Variants in RALYL observed in about 807,000 individuals in gnomAD.
RALYL encodes RNA-binding Raly-like protein.
RALYL carries 29 observed loss-of-function variants against 35.1 expected under a neutral mutation model. That is an observed-to-expected ratio of 0.83 (90% CI 0.61 to 1.13). The LOEUF (loss-of-function observed/expected upper bound fraction) is 1.13. Ranked by LOEUF, RALYL falls within the 50% of genes most tolerant of loss-of-function variation. RALYL has a pLI of 0.00. For missense variants in RALYL, 359 were observed against 360.4 expected (o/e 1.00, Z 0.03); for synonymous variants, 120 against 127.6 (o/e 0.94, Z 0.40).
At chr8:84,754,760 A>G (rs763227110) in intron 2 of RALYL, among the ~76,000 whole-genome samples, 5 of 152,146 alleles carry the variant, frequency 3.3e-5, no homozygotes, top group African/African-American at 4.8e-5. Flanking sequence ...GATGAGGAGG[A>G]ATGATTACTG....
intron 2 of RALYL, among the ~76,000 whole-genome samples, chr8:84,572,451 T>C (rs1278229585): frequency 6.6e-6 from 1 of 151,780 alleles, no homozygotes; most frequent in African/African-American, 2.4e-5. Context: ...TTTCCACTTT[T>C]AGAACTCCTT....
At chr8:84,251,325 A>G (rs1830156671) in intron 1 of RALYL, among the ~76,000 whole-genome samples, 1 of 152,136 alleles carries the variant, frequency 6.6e-6, no homozygotes, top group Admixed American at 6.5e-5. Flanking sequence ...CTGTCTTGGG[A>G]TACAGAAACA....
intron 2 of RALYL, among the ~76,000 whole-genome samples, chr8:84,725,656 C>G (rs1844813464): frequency 1.3e-5 from 2 of 151,352 alleles, no homozygotes; most frequent in Admixed American, 1.3e-4. Context: ...GTCTGTGAGC[C>G]CTTCAATTTA....
At chr8:84,889,302 C>A (rs896071525) in intron 8 of RALYL, among the ~76,000 whole-genome samples, 1 of 152,192 alleles carries the variant, frequency 6.6e-6, no homozygotes, top group African/African-American at 2.4e-5. Flanking sequence ...TGTCAGGATT[C>A]CATTGTGACT....
At position 84,619,879 on chromosome 8, in the gene RALYL, C is replaced by A. The variant is rs1285689529; in HGVS notation, c.256+90302C>A. ...GCTTAGTTTGGCTGGATATGAAATT[C>A]TGGGTTGAAAATTCTTTTCTTTAAG... is the stretch of plus-strand genomic sequence containing the variant. On this transcript the variant is annotated intron_variant, in intron 2 of 8. Coordinates refer to ENST00000521268, the MANE Select transcript of RALYL (RefSeq NM_173848.7). Among the ~76,000 whole-genome samples, 16 of 151,092 alleles carry A rather than the reference C, an allele frequency of 1.1e-4. No homozygotes were observed. The South Asian group carries it at 2.9e-3, about 28-fold the overall frequency.
intron 1 of RALYL, among the ~76,000 whole-genome samples, chr8:84,387,247 T>C (rs1239588729): frequency 1.3e-5 from 2 of 151,806 alleles, no homozygotes; most frequent in Non-Finnish European, 2.9e-5. Context: ...TAACATGTAT[T>C]ATCTGTAATC....
chr8:84,585,063 G>A lies in RALYL; in HGVS notation c.256+55486G>A, dbSNP rs538217398. Among the ~76,000 whole-genome samples the A allele has an allele frequency of 7.9e-5, 12 of 152,302 alleles. No individual in the cohort carries two copies. In the South Asian group the frequency reaches 1.4e-3, roughly 18 times the overall value. ...AATATATTCAGGGTCCTCACTTGACGTGAGACTTTTAGGTCAACCTTCTCC... is the reference window on the plus strand; with the variant it reads ...AATATATTCAGGGTCCTCACTTGACATGAGACTTTTAGGTCAACCTTCTCC... On this transcript the variant is annotated intron_variant, in intron 2 of 8. Coordinates refer to ENST00000521268, the MANE Select transcript of RALYL (RefSeq NM_173848.7).
chr8:84,415,728 T>C (rs2044627063), intron 1 of RALYL, among the ~76,000 whole-genome samples: 1 of 152,166 alleles, frequency 6.6e-6, no homozygotes, highest in Admixed American at 6.5e-5. Context: ...CAAAAGCAAA[T>C]TGCTGAATTG....
At chr8:84,228,908 T>C (rs1318130619) in intron 1 of RALYL, among the ~76,000 whole-genome samples, 4 of 152,154 alleles carry the variant, frequency 2.6e-5, no homozygotes, top group Admixed American at 1.3e-4. Flanking sequence ...GTCCCCATGA[T>C]ACAATTATCT....
intron 6 of RALYL, chr8:84,864,636 T>C (rs965397636): frequency 2.9e-5 from 9 of 314,566 alleles, no homozygotes; most frequent in South Asian, 1.8e-4. Context: ...TCATGTGGTT[T>C]CCAGCATCAA....
intron 2 of RALYL, among the ~76,000 whole-genome samples, chr8:84,569,895 G>A (rs148729966): frequency 6.6e-6 from 1 of 151,876 alleles, no homozygotes; most frequent in East Asian, 1.9e-4. Context: ...TCAATCAGTT[G>A]TAGGTATGTG....
chr8:84,486,383 G>T (rs184292043), intron 1 of RALYL, among the ~76,000 whole-genome samples: 1 of 150,808 alleles, frequency 6.6e-6, no homozygotes, highest in African/African-American at 2.4e-5. Flanking sequence ...TTGAAAAAAA[G>T]GAAGCTTGTA....
rs761318916 is a variant in RALYL at position 84,474,172 on chromosome 8, G to A, written c.-23-55127G>A. On this transcript the variant is annotated intron_variant, in intron 1 of 8. Transcript: ENST00000521268. The stretch of plus-strand genomic sequence containing the variant: ...ATCTTTAAAACAAAATTAAACATGC[G>A]AAAGAAATGGAGGTTTAGTAATGAA... 9.2e-5 allele frequency among the ~76,000 whole-genome samples: 14 copies of A among 152,120 alleles called. No individual in the cohort carries two copies. The East Asian group carries it at 9.7e-4, about 10-fold the overall frequency.
At chr8:84,271,587 C>A (rs1453833373) in intron 1 of RALYL, among the ~76,000 whole-genome samples, 1 of 151,374 alleles carries the variant, frequency 6.6e-6, no homozygotes, top group Non-Finnish European at 1.5e-5. Flanking sequence ...ATTGAATAAA[C>A]CTAAATGACC....
chr8:84,912,450 A>G (rs1316441845), intron 8 of RALYL, among the ~76,000 whole-genome samples: 1 of 152,072 alleles, frequency 6.6e-6, no homozygotes, highest in Non-Finnish European at 1.5e-5. Flanking sequence ...AAAGGTCAAT[A>G]ATGTTTATTT....
At chr8:84,573,260 A>T (rs1479723582) in intron 2 of RALYL, among the ~76,000 whole-genome samples, 3 of 151,550 alleles carry the variant, frequency 2.0e-5, no homozygotes, top group African/African-American at 7.3e-5. Flanking sequence ...CATCTGAAAA[A>T]CACCTTGCAG....
intron 1 of RALYL, among the ~76,000 whole-genome samples, chr8:84,274,549 T>A (rs2131991696): frequency 6.6e-6 from 1 of 152,158 alleles, no homozygotes; most frequent in South Asian, 2.1e-4. Flanking sequence ...TGCGCCTGAG[T>A]CTTTTTTGGG....
intron 1 of RALYL, among the ~76,000 whole-genome samples, chr8:84,510,923 A>G (rs189136353): frequency 6.6e-6 from 1 of 152,296 alleles, no homozygotes; most frequent in East Asian, 1.9e-4. Flanking sequence ...CACCTCACTC[A>G]CCTATCATTT....
intron 2 of RALYL, among the ~76,000 whole-genome samples, chr8:84,606,192 C>T (rs774001928): frequency 6.6e-5 from 10 of 152,120 alleles, no homozygotes; most frequent in Non-Finnish European, 1.3e-4. Flanking sequence ...AGTATCTCCC[C>T]TCAGTTTCTT....
Sources: gnomAD v4.1 joint callset for allele counts (sites outside exome capture counted in the v4.1 genomes callset) on GRCh38, gnomAD v4.1.1 for gene constraint, MANE v1.5 for transcripts, NCBI Gene and HGNC (gene_info 2026-07-23, HGNC 2026-07-21) for gene names.